The following MIGA1 variants were observed in gnomAD, a reference collection of about 807,000 sequenced individuals.
MIGA1 encodes the protein mitoguardin 1.
Under a neutral mutation model 82.0 loss-of-function variants are expected in MIGA1, and 58 were observed. That is an observed-to-expected ratio of 0.71 (90% confidence interval 0.57 to 0.88). The LOEUF (loss-of-function observed/expected upper bound fraction) is 0.88, where lower values mean the gene tolerates loss of function less well. MIGA1 is among the 40% of genes least tolerant of loss of function. MIGA1 has a pLI of 0.00. For synonymous variants in MIGA1, 249 were observed against 253.6 expected (o/e 0.98, Z 0.17); for missense variants, 751 against 749.1 (o/e 1.00, Z -0.03).
At chr1:77,859,155 G>C in intron 9 of MIGA1, 99 bp downstream of exon 9, 1 of 998,404 alleles carries the variant, frequency 1.0e-6, no homozygotes, top group South Asian at 1.4e-5. Flanking sequence ...TATGTTTTTA[G>C]GTCCAAGTAA....
intron 4 of MIGA1, among the ~76,000 whole-genome samples, chr1:77,804,622 A>AT (rs112712682): frequency 3.8e-3 from 546 of 143,832 alleles, no homozygotes; most frequent in Middle Eastern, 7.4e-3. Flanking sequence ...AACATTAACA[A>AT]TTTTTTTTTT....
chr1:77,804,470 A>G (rs1683009279), intron 4 of MIGA1, among the ~76,000 whole-genome samples: 1 of 152,208 alleles, frequency 6.6e-6, no homozygotes, highest in South Asian at 2.1e-4. Context: ...AGTCTCAGCT[A>G]TTCAGAAGAC....
intron 4 of MIGA1, among the ~76,000 whole-genome samples, chr1:77,806,387 T>A (rs777001081): frequency 1.6e-4 from 25 of 152,174 alleles, no homozygotes; most frequent in Admixed American, 5.2e-4. Flanking sequence ...TAGTTTGAGA[T>A]GCCAGCAGAA....
At chr1:77,838,295 G>A (rs114883612) in intron 7 of MIGA1, among the ~76,000 whole-genome samples, 1 of 152,134 alleles carries the variant, frequency 6.6e-6, no homozygotes, top group Non-Finnish European at 1.5e-5. Context: ...ATGAGCAACT[G>A]TCCTGATGCT....
At chr1:77,793,551 C>T (rs1381850956) in intron 2 of MIGA1, among the ~76,000 whole-genome samples, 1 of 152,028 alleles carries the variant, frequency 6.6e-6, no homozygotes, top group Admixed American at 6.6e-5. Flanking sequence ...CCTCTGCCTC[C>T]CAGGCTCAAG....
intron 2 of MIGA1, among the ~76,000 whole-genome samples, chr1:77,783,629 A>G (rs773731813): frequency 2.6e-5 from 4 of 152,220 alleles, no homozygotes; most frequent in Non-Finnish European, 5.9e-5. Context: ...ATGTTATTCC[A>G]GTAGGCCTGT....
chr1:77,841,773 C>T (rs1036978923), intron 7 of MIGA1, among the ~76,000 whole-genome samples: 2 of 149,694 alleles, frequency 1.3e-5, no homozygotes, highest in African/African-American at 4.9e-5. Context: ...CTTTCTCTCC[C>T]TCTCTCTCTC....
chr1:77,798,733 A>T (rs1007389555), intron 2 of MIGA1, among the ~76,000 whole-genome samples: 1 of 152,194 alleles, frequency 6.6e-6, no homozygotes, highest in African/African-American at 2.4e-5. Flanking sequence ...AGATACTCTC[A>T]TTGGATTGAG....
intron 8 of MIGA1, among the ~76,000 whole-genome samples, chr1:77,858,125 G>C (rs1037777817): frequency 1.3e-5 from 2 of 152,110 alleles, no homozygotes; most frequent in African/African-American, 2.4e-5. Context: ...TGAGGCAGGC[G>C]GATCACTTGA....
chr1:77,795,122 C>T (rs1488262717), intron 2 of MIGA1, among the ~76,000 whole-genome samples: 1 of 151,884 alleles, frequency 6.6e-6, no homozygotes, highest in Admixed American at 6.6e-5. Flanking sequence ...TGCCACCATG[C>T]CCAGCTAATT....
intron 2 of MIGA1, among the ~76,000 whole-genome samples, chr1:77,794,998 C>T (rs1682591712): frequency 6.6e-6 from 1 of 152,030 alleles, no homozygotes; most frequent in Non-Finnish European, 1.5e-5. Context: ...CACCCTTGCT[C>T]TGTTGCCCAG....
chr1:77,803,231 G>T, intron 3 of MIGA1, 39 bp from the exon 4 acceptor site: 2 of 1,291,532 alleles, frequency 1.5e-6, no homozygotes, highest in Non-Finnish European at 1.0e-6. Context: ...TATCATTGGC[G>T]TTATTGATAT....
At chr1:77,798,916 A>G (rs754794902) in intron 2 of MIGA1, among the ~76,000 whole-genome samples, 1 of 152,226 alleles carries the variant, frequency 6.6e-6, no homozygotes, top group African/African-American at 2.4e-5. Context: ...GTTTTTAAGT[A>G]GTCATAAATG....
At chr1:77,809,370 T>C (rs1161659878) in intron 5 of MIGA1, among the ~76,000 whole-genome samples, 4 of 152,180 alleles carry the variant, frequency 2.6e-5, no homozygotes, top group Non-Finnish European at 5.9e-5. Flanking sequence ...CTGGACTATA[T>C]AGTGAGGTAG....
At chr1:77,786,946 T>C (rs1682188533) in intron 2 of MIGA1, among the ~76,000 whole-genome samples, 1 of 152,210 alleles carries the variant, frequency 6.6e-6, no homozygotes, top group Non-Finnish European at 1.5e-5. Context: ...TTCATGCTGC[T>C]GATAAAGACA....
chr1:77,857,953 A>G (rs1318855908), intron 8 of MIGA1, among the ~76,000 whole-genome samples: 1 of 152,172 alleles, frequency 6.6e-6, no homozygotes, highest in Non-Finnish European at 1.5e-5. Flanking sequence ...TTGCTTCATT[A>G]TAATCATAGG....
intron 8 of MIGA1, among the ~76,000 whole-genome samples, chr1:77,857,659 CAG>C (rs1309699378): frequency 6.6e-6 from 1 of 151,002 alleles, no homozygotes; most frequent in Non-Finnish European, 1.5e-5. Context: ...GCTTGGGTGA[CAG>C]AGCGAGATCC....
At chr1:77,789,707 A>G (rs1353824325) in intron 2 of MIGA1, among the ~76,000 whole-genome samples, 1 of 151,690 alleles carries the variant, frequency 6.6e-6, no homozygotes, top group Non-Finnish European at 1.5e-5. Flanking sequence ...GTGAGAGTCT[A>G]TTCAGGTTGG....
intron 14 of MIGA1, among the ~76,000 whole-genome samples, chr1:77,869,399 C>T (rs1685812405): frequency 6.7e-6 from 1 of 149,886 alleles, no homozygotes; most frequent in Non-Finnish European, 1.5e-5. Flanking sequence ...ACTCTTCCTG[C>T]CTTTCTATTC....
Sources: gnomAD v4.1 joint callset for allele counts (sites outside exome capture counted in the v4.1 genomes callset) on GRCh38, gnomAD v4.1.1 for gene constraint, MANE v1.5 for transcripts, NCBI Gene and HGNC (gene_info 2026-07-23, HGNC 2026-07-21) for gene names.